The following ANKFN1 variants were observed in gnomAD, a reference collection of about 807,000 sequenced individuals.
ANKFN1 encodes the protein ankyrin repeat and fibronectin type-III domain-containing protein 1.
Under a neutral mutation model 108.7 loss-of-function variants are expected in ANKFN1, and 74 were observed. That is an observed-to-expected ratio of 0.68 (90% CI 0.56 to 0.83). The LOEUF is 0.83. Among genes scored for constraint, ANKFN1 ranks in the 40% least tolerant of loss-of-function variants. ANKFN1 has a pLI of 0.00. For missense variants in ANKFN1, 1,505 were observed against 1,382.3 expected, an observed-to-expected ratio of 1.09 and a Z score of -1.41; for synonymous variants, 547 against 516.2, an observed-to-expected ratio of 1.06 and a Z score of -0.81.
chr17:56,493,464 G>C (rs150450205), intron 19 of ANKFN1, among the ~76,000 whole-genome samples: 16 of 152,296 alleles, frequency 1.1e-4, no homozygotes, highest in Middle Eastern at 6.8e-3. Context: ...CAGAAAAATA[G>C]TATTTGGGGA....
chr17:56,389,772 T>C (rs1020622822), intron 8 of ANKFN1, among the ~76,000 whole-genome samples: 1 of 152,350 alleles, frequency 6.6e-6, no homozygotes, highest in Admixed American at 6.5e-5. Flanking sequence ...AAGAAGTTTT[T>C]GGAATATGTG....
At chr17:56,432,961 C>G (rs1365354403) in intron 8 of ANKFN1, among the ~76,000 whole-genome samples, 1 of 151,978 alleles carries the variant, frequency 6.6e-6, no homozygotes, top group African/African-American at 2.4e-5. Context: ...ATGGTAAATG[C>G]TTAACAACTG....
chr17:56,405,829 A>G (rs1173125404), intron 8 of ANKFN1, among the ~76,000 whole-genome samples: 1 of 152,158 alleles, frequency 6.6e-6, no homozygotes, highest in Non-Finnish European at 1.5e-5. Flanking sequence ...TTGAGGGAGG[A>G]GGATCTATAT....
rs140536270 is a variant in ANKFN1 at position 56,407,641 on chromosome 17, G to A, written c.911-32686G>A. ...CATAGGCTTGAATTAAAGGGAATCC[G>A]ACCACTCCCATCTCAGAACTCCCAA... On this transcript the variant is annotated intron_variant, in intron 8 of 20. Transcript: ENST00000682825. Among the ~76,000 whole-genome samples, 369 of 152,162 alleles carry A rather than the reference G, an allele frequency of 2.4e-3. 3 individuals carry two copies. The highest frequency in any genetic ancestry group is 4.1e-3 in the Non-Finnish European group (277 of 68,004).
At chr17:56,459,113 G>T (rs1220155796) in intron 14 of ANKFN1, among the ~76,000 whole-genome samples, 1 of 151,594 alleles carries the variant, frequency 6.6e-6, no homozygotes, top group East Asian at 1.9e-4. Flanking sequence ...GTTTTTTTTG[G>T]GTTGGTGGTG....
intron 3 of ANKFN1, among the ~76,000 whole-genome samples, chr17:56,310,136 G>A (rs1028942393): frequency 3.3e-5 from 5 of 152,168 alleles, no homozygotes; most frequent in Non-Finnish European, 7.3e-5. Flanking sequence ...ATGGATTCAC[G>A]TCCTGGGCAG....
intron 18 of ANKFN1, 49 bp downstream of exon 18, chr17:56,482,573 T>A (rs775361508): frequency 6.3e-7 from 1 of 1,585,918 alleles, no homozygotes; most frequent in East Asian, 2.2e-5. Flanking sequence ...CTCCTTATAA[T>A]AAAATCACAA....
intron 4 of ANKFN1, among the ~76,000 whole-genome samples, chr17:56,102,112 T>A (rs982125149): frequency 3.3e-5 from 5 of 152,192 alleles, no homozygotes; most frequent in African/African-American, 1.2e-4. Context: ...CTCCATATAC[T>A]AGTGAAGCCA....
At chr17:56,049,327 C>T (rs1203124371) in intron 4 of ANKFN1, among the ~76,000 whole-genome samples, 1 of 152,162 alleles carries the variant, frequency 6.6e-6, no homozygotes, top group Non-Finnish European at 1.5e-5. Context: ...CTGACCTGCA[C>T]AAGTGGGAAA....
intron 8 of ANKFN1, among the ~76,000 whole-genome samples, chr17:56,427,553 C>A (rs2048609003): frequency 6.6e-6 from 1 of 152,030 alleles, no homozygotes; most frequent in South Asian, 2.1e-4. Context: ...TGCCCCCAAC[C>A]CTCTCTCCTT....
intron 8 of ANKFN1, among the ~76,000 whole-genome samples, chr17:56,439,595 A>C (rs1355933622): frequency 1.3e-5 from 2 of 151,976 alleles, no homozygotes; most frequent in African/African-American, 4.8e-5. Context: ...CCCTTTTCCA[A>C]TGAAAAGGCT....
At chr17:56,253,433 GA>G (rs1473991107) in intron 3 of ANKFN1, among the ~76,000 whole-genome samples, 2 of 152,136 alleles carry the variant, frequency 1.3e-5, no homozygotes, top group African/African-American at 4.8e-5. Flanking sequence ...CCAGGACAAT[GA>G]AAACATCTGG....
At chr17:56,072,578 T>G (rs1041861764) in intron 4 of ANKFN1, among the ~76,000 whole-genome samples, 4 of 152,248 alleles carry the variant, frequency 2.6e-5, no homozygotes, top group Non-Finnish European at 5.9e-5. Context: ...TCGTTTTGTC[T>G]GTCTCTTTTC....
At chr17:56,069,723 G>C (rs1905098843) in intron 4 of ANKFN1, among the ~76,000 whole-genome samples, 1 of 152,110 alleles carries the variant, frequency 6.6e-6, no homozygotes, top group Non-Finnish European at 1.5e-5. Flanking sequence ...CCCAGGAGAG[G>C]GTTCTTGGAT....
chr17:56,457,874 G>T lies in ANKFN1; in HGVS notation c.1452G>T (p.Met484Ile). The change falls in exon 14 of 21, where the codon ATG becomes ATT. Residue 484 changes from methionine (M) to isoleucine (I), a missense_variant. Physicochemically the swap from Met to Ile is conservative, Grantham distance 10. Transcript: ENST00000682825. ...GCCTTCTTTTGCAGCTGTCTTGTAT[G>T]TGGGAAGATATAAGGTGGCTGAGGC... is the stretch of plus-strand genomic sequence containing the variant. ...DFLWFTKLSC[M>I]WEDIRWLRQS... 1 of 1,613,300 alleles carries T rather than the reference G, an allele frequency of 6.2e-7. No individual in the cohort carries two copies. Among genetic ancestry groups the T allele is most frequent in the Non-Finnish European group, 8.5e-7 (1 of 1,179,640 alleles).
intron 3 of ANKFN1, among the ~76,000 whole-genome samples, chr17:56,310,027 G>T (rs76904865): frequency 2.6e-5 from 4 of 152,112 alleles, no homozygotes; most frequent in African/African-American, 9.7e-5. Context: ...ATCCTGGATC[G>T]TTGAGCCATG....
chr17:56,349,198 C>T (rs866251843), intron 4 of ANKFN1, among the ~76,000 whole-genome samples: 7 of 151,770 alleles, frequency 4.6e-5, no homozygotes, highest in Admixed American at 1.3e-4. Context: ...GGACACATGG[C>T]GAGGAACAAC....
chr17:56,056,421 T>TTATA (rs1379970278), intron 4 of ANKFN1, among the ~76,000 whole-genome samples: 9 of 148,008 alleles, frequency 6.1e-5, no homozygotes, highest in Non-Finnish European at 1.2e-4. Flanking sequence ...TGACTTCAAA[T>TTATA]TATACTACAA....
chr17:56,175,708 C>T (rs902857184), intron 1 of ANKFN1, among the ~76,000 whole-genome samples: 1 of 152,156 alleles, frequency 6.6e-6, no homozygotes, highest in Non-Finnish European at 1.5e-5. Flanking sequence ...TCCTGCAGTC[C>T]CAGCTGTAGA....
Sources: gnomAD v4.1 joint callset for allele counts (sites outside exome capture counted in the v4.1 genomes callset) on GRCh38, gnomAD v4.1.1 for gene constraint, MANE v1.5 for transcripts, NCBI Gene and HGNC (gene_info 2026-07-23, HGNC 2026-07-21) for gene names.